The following PTK2B variants were observed in gnomAD, a reference collection of about 807,000 sequenced individuals.
PTK2B encodes the protein protein-tyrosine kinase 2-beta.
Under a neutral mutation model 142.9 loss-of-function variants are expected in PTK2B, and 71 were observed. The ratio of observed to expected loss-of-function variants is 0.50; its 90% CI spans 0.41 to 0.61. The LOEUF (loss-of-function observed/expected upper bound fraction) is 0.61, where lower values mean the gene tolerates loss of function less well. PTK2B is among the 20% of genes least tolerant of loss of function. PTK2B has a pLI of 0.00. For missense variants in PTK2B, 1,105 were observed against 1,320.4 expected (o/e 0.84, Z 2.53); for synonymous variants, 519 against 503.4 (o/e 1.03, Z -0.42).
chr8:27,336,394 G>A (rs1264099711), intron 1 of PTK2B, among the ~76,000 whole-genome samples: 1 of 152,116 alleles, frequency 6.6e-6, no homozygotes, highest in African/African-American at 2.4e-5. Flanking sequence ...AAGCCCTGTT[G>A]AGGAAAGAAC....
intron 1 of PTK2B, among the ~76,000 whole-genome samples, chr8:27,332,423 A>G (rs982202405): frequency 1.3e-5 from 2 of 151,778 alleles, no homozygotes; most frequent in Non-Finnish European, 2.9e-5. Flanking sequence ...GGTGGGTTTG[A>G]CTCTCGACTC....
At chr8:27,422,046 G>A (rs1388062762) in intron 4 of PTK2B, among the ~76,000 whole-genome samples, 1 of 152,210 alleles carries the variant, frequency 6.6e-6, no homozygotes, top group African/African-American at 2.4e-5. Flanking sequence ...GGGCAGGGGA[G>A]GGGAATCTGA....
At position 27,425,428 on chromosome 8, in the gene PTK2B, T is replaced by G. The variant is rs181908978; in HGVS notation, c.551+3045T>G. Among the ~76,000 whole-genome samples, 339 of 152,084 alleles carry G rather than the reference T, an allele frequency of 2.2e-3. 3 individuals are homozygous for G. The highest frequency in any genetic ancestry group is 6.8e-3 in the Middle Eastern group (2 of 294). On this transcript the variant is annotated intron_variant, in intron 5 of 30. Coordinates refer to ENST00000346049, the MANE Select transcript of PTK2B (RefSeq NM_173176.3). Reference sequence around the variant, plus strand: ...CTTACTTTTTTCTCTTTACCCTTCTTTTGTTTGTTTATTTTGAATAGACTT... The same window carrying G: ...CTTACTTTTTTCTCTTTACCCTTCTGTTGTTTGTTTATTTTGAATAGACTT...
chr8:27,352,588 G>A (rs1805161907), intron 1 of PTK2B, among the ~76,000 whole-genome samples: 1 of 152,202 alleles, frequency 6.6e-6, no homozygotes, highest in Admixed American at 6.5e-5. Context: ...GTTTGGCTGT[G>A]TCCCCACCCA....
chr8:27,330,334 G>T lies in PTK2B; in HGVS notation c.-38+4653G>T, dbSNP rs114340798. On this transcript the variant is annotated intron_variant, in intron 1 of 30. Coordinates refer to ENST00000346049, the MANE Select transcript of PTK2B (RefSeq NM_173176.3). ...ACCATTTATTTTTCCAGAGGTTATA[G>T]GTCCTCTTCTGCGAGGCATCAGGCA... Among the ~76,000 whole-genome samples the T allele has an allele frequency of 8.1e-4, 123 of 152,288 alleles. 1 individual carries two copies. Among genetic ancestry groups the T allele is most frequent in the African/African-American group, 2.7e-3 (112 of 41,558 alleles).
At chr8:27,326,079 C>T (rs1423389076) in intron 1 of PTK2B, among the ~76,000 whole-genome samples, 1 of 152,136 alleles carries the variant, frequency 6.6e-6, no homozygotes, top group Non-Finnish European at 1.5e-5. Context: ...CTCCCGGGCC[C>T]TTCCGCAGCC....
upstream of PTK2B, among the ~76,000 whole-genome samples, chr8:27,321,640 G>A (rs1422648948): frequency 6.6e-6 from 1 of 152,170 alleles, no homozygotes; most frequent in Non-Finnish European, 1.5e-5. Flanking sequence ...ATTCCCTTGA[G>A]GGGCATGATT....
chr8:27,413,051 A>C (rs1178545821), intron 2 of PTK2B, among the ~76,000 whole-genome samples: 1 of 150,084 alleles, frequency 6.7e-6, no homozygotes, highest in African/African-American at 2.4e-5. Flanking sequence ...AAAAAAAAAA[A>C]CAAGGCTAAG....
rs917672731 is a variant in PTK2B, at chr8:27,419,780, C to T, written c.205-115C>T. On this transcript the variant is annotated intron_variant, in intron 2 of 30. Coordinates refer to ENST00000346049, the MANE Select transcript of PTK2B (RefSeq NM_173176.3). Reference sequence around the variant, plus strand: ...AAATGCTAGAGAATCAGAGACAAATCGAACATGAAGACAGAATCCCACCCT... The same window carrying T: ...AAATGCTAGAGAATCAGAGACAAATTGAACATGAAGACAGAATCCCACCCT... 45 of 1,107,012 alleles carry T rather than the reference C, an allele frequency of 4.1e-5. No individual in the cohort carries two copies. The Middle Eastern group carries it at 1.2e-3, about 29-fold the overall frequency. The allele number at this position is 1,107,012 out of a possible 1,614,324, so 68.6% of individuals were successfully genotyped here.
At chr8:27,318,564 C>T (rs1339959427) in intron 3 of PTK2B, among the ~76,000 whole-genome samples, 1 of 152,196 alleles carries the variant, frequency 6.6e-6, no homozygotes, top group Non-Finnish European at 1.5e-5. Flanking sequence ...TTATGGAAAT[C>T]CTGAAGCGTG....
chr8:27,343,042 G>T (rs942792601), intron 1 of PTK2B, among the ~76,000 whole-genome samples: 5 of 152,314 alleles, frequency 3.3e-5, no homozygotes, highest in Middle Eastern at 3.4e-3. Flanking sequence ...AGGGTCCGAT[G>T]TGCTCATCAA....
intron 5 of PTK2B, among the ~76,000 whole-genome samples, chr8:27,424,581 A>T (rs1029991205): frequency 2.6e-5 from 4 of 152,222 alleles, no homozygotes; most frequent in African/African-American, 9.7e-5. Flanking sequence ...TATGGAAAAC[A>T]CCTATTTTGT....
At chr8:27,327,515 T>G (rs1474001040) in intron 1 of PTK2B, among the ~76,000 whole-genome samples, 1 of 152,168 alleles carries the variant, frequency 6.6e-6, no homozygotes, top group Non-Finnish European at 1.5e-5. Flanking sequence ...GGGTGTCCTG[T>G]ATTTATCTGG....
intron 1 of PTK2B, among the ~76,000 whole-genome samples, chr8:27,384,818 G>A (rs1028783348): frequency 6.6e-6 from 1 of 152,198 alleles, no homozygotes; most frequent in Non-Finnish European, 1.5e-5. Context: ...CAACATGCAT[G>A]TAAACAGGGT....
At chr8:27,442,845 T>G in intron 21 of PTK2B, 30 bp from the exon 22 acceptor site, 1 of 1,586,742 alleles carries the variant, frequency 6.3e-7, no homozygotes, top group Non-Finnish European at 8.7e-7. Context: ...TGACCTAGTT[T>G]CTCTCCTTAT....
upstream of PTK2B, among the ~76,000 whole-genome samples, chr8:27,321,692 A>G (rs564219173): frequency 2.6e-5 from 4 of 152,340 alleles, no homozygotes; most frequent in African/African-American, 9.6e-5. Context: ...ACCATTGCGG[A>G]GAACTTAATC....
At chr8:27,316,886 T>A (rs1803106987) in intron 3 of PTK2B, among the ~76,000 whole-genome samples, 1 of 152,234 alleles carries the variant, frequency 6.6e-6, no homozygotes, top group Admixed American at 6.5e-5. Context: ...TCTGTCTGTA[T>A]CATTTATGAT....
chr8:27,315,320 G>T (rs1277097135), intron 3 of PTK2B, among the ~76,000 whole-genome samples: 1 of 152,170 alleles, frequency 6.6e-6, no homozygotes, highest in Admixed American at 6.5e-5. Flanking sequence ...GTGATTCTGA[G>T]GTGCAAGAAA....
intron 1 of PTK2B, among the ~76,000 whole-genome samples, chr8:27,339,418 C>G (rs756312285): frequency 2.6e-5 from 4 of 152,226 alleles, no homozygotes; most frequent in Admixed American, 6.5e-5. Flanking sequence ...ACCTACTGCA[C>G]AGAGACACAG....
Sources: gnomAD v4.1 joint callset for allele counts (sites outside exome capture counted in the v4.1 genomes callset) on GRCh38, gnomAD v4.1.1 for gene constraint, MANE v1.5 for transcripts, NCBI Gene and HGNC (gene_info 2026-07-23, HGNC 2026-07-21) for gene names.